PYGB: variants seen among roughly 807,000 people sequenced by gnomAD.
The protein encoded by PYGB is glycogen phosphorylase, brain form.
A neutral mutation model predicts 94.3 loss-of-function variants in PYGB; 82 were observed. The ratio of observed to expected loss-of-function variants is 0.87; its 90% CI spans 0.73 to 1.04. PYGB has a LOEUF of 1.04. Among genes scored for constraint, PYGB ranks in the 50% least tolerant of loss-of-function variants. PYGB has a pLI of 0.00. For missense variants in PYGB, 1,132 were observed against 1,158.2 expected, an observed-to-expected ratio of 0.98 and a Z score of 0.33; for synonymous variants, 488 against 479.1, an observed-to-expected ratio of 1.02 and a Z score of -0.24.
chr20:25,256,306 C>T (rs1480248816), intron 1 of PYGB, among the ~76,000 whole-genome samples: 1 of 151,778 alleles, frequency 6.6e-6, no homozygotes, highest in Non-Finnish European at 1.5e-5. Context: ...TCGTGTTGAT[C>T]ATATTTTCAT....
At chr20:25,290,434 C>T in intron 15 of PYGB, 47 bp from the exon 16 acceptor site, 1 of 1,590,674 alleles carries the variant, frequency 6.3e-7, no homozygotes, top group Non-Finnish European at 8.6e-7. Context: ...CTCCAAGGGC[C>T]TGAACAAGGC....
intron 2 of PYGB, among the ~76,000 whole-genome samples, chr20:25,261,439 C>T (rs2092913291): frequency 6.6e-6 from 1 of 152,222 alleles, no homozygotes; most frequent in Non-Finnish European, 1.5e-5. Context: ...AGAAGGAAAA[C>T]TAACAAACAG....
intron 11 of PYGB, 96 bp downstream of exon 11, chr20:25,281,208 C>T: frequency 6.8e-7 from 1 of 1,474,008 alleles, no homozygotes; most frequent in Non-Finnish European, 9.2e-7. Context: ...AGCTATATAG[C>T]ATACAACCTG....
At chr20:25,278,525 T>C in intron 8 of PYGB, 63 bp downstream of exon 8, 1 of 1,590,932 alleles carries the variant, frequency 6.3e-7, no homozygotes, top group South Asian at 1.1e-5. Context: ...GCTCTTGAGG[T>C]TGCTTTCTCA....
chr20:25,263,458 C>G (rs2092917954), intron 2 of PYGB, among the ~76,000 whole-genome samples: 1 of 151,930 alleles, frequency 6.6e-6, no homozygotes, highest in African/African-American at 2.4e-5. Flanking sequence ...GATAGAGACA[C>G]AAAAAACTCT....
At chr20:25,256,895 A>G (rs79986863) in intron 1 of PYGB, among the ~76,000 whole-genome samples, 9,889 of 152,248 alleles carry the variant, frequency 0.065, 991 homozygotes, top group African/African-American at 0.22. Context: ...CCACTTGGCA[A>G]CTTTCTAGGC....
At position 25,269,209 on chromosome 20, in the gene PYGB, T is replaced by C. The variant is rs112079423; in HGVS notation, c.424+2T>C. On this transcript the variant is annotated splice_donor_variant, in intron 3 of 19. Coordinates refer to ENST00000216962, the MANE Select transcript of PYGB (RefSeq NM_002862.4). LOFTEE classifies it high-confidence loss of function. ...ATGGAGGCCTGGGGAGGCTGGCAGG[T>C]AAGTTGCCCCATCCAGGAGGAGCTC... 1 of 1,572,812 alleles carries C rather than the reference T, an allele frequency of 6.4e-7. No homozygotes were observed. The highest frequency in any genetic ancestry group is 1.1e-5 in the South Asian group (1 of 89,950).
intron 14 of PYGB, among the ~76,000 whole-genome samples, chr20:25,287,450 G>A (rs1270280009): frequency 6.6e-6 from 1 of 152,122 alleles, no homozygotes; most frequent in East Asian, 1.9e-4. Context: ...TTTGAGACTG[G>A]TCTGGGCAAA....
Position 25,294,213 on chromosome 20 carries a change from C to G in PYGB, c.2233C>G (p.Gln745Glu). The stretch of plus-strand genomic sequence containing the variant: ...GCCCGAGCTGAAGCAGGCCGTGGAC[C>G]AGATCAGCAGTGGCTTTTTTTCTCC... ...HLPELKQAVD[Q>E]ISSGFFSPKE... Residue 745 changes from glutamine to glutamate, a missense_variant, in exon 18 of 20, where the codon CAG becomes GAG. Physicochemically the swap from Gln to Glu is conservative, Grantham distance 29 (BLOSUM62 2). Transcript: ENST00000216962. 6.2e-7 allele frequency: 1 copy of G among 1,613,832 alleles called. No homozygotes were observed. Among genetic ancestry groups the G allele is most frequent in the East Asian group, 2.2e-5 (1 of 44,860 alleles).
intron 4 of PYGB, 32 bp downstream of exon 4, chr20:25,271,518 C>T (rs201141431): frequency 8.2e-6 from 13 of 1,585,618 alleles, no homozygotes; most frequent in Non-Finnish European, 1.1e-5. Flanking sequence ...CACTGGTTTC[C>T]AGCTCTCGTT....
intron 13 of PYGB, 121 bp from the exon 14 acceptor site, chr20:25,283,983 C>A: frequency 8.2e-7 from 1 of 1,216,690 alleles, no homozygotes; most frequent in South Asian, 1.4e-5. Context: ...CAGCTCCAGC[C>A]TGTATACCCC....
intron 2 of PYGB, among the ~76,000 whole-genome samples, chr20:25,267,519 G>C (rs1240568172): frequency 7.2e-6 from 1 of 138,330 alleles, no homozygotes; most frequent in East Asian, 3.1e-4. Flanking sequence ...GACTTTGTCA[G>C]CTACTTTTTG....
rs1457748742 is a variant in PYGB at position 25,277,172 on chromosome 20, T to G, written c.773-72T>G. The G allele has an allele frequency of 4.9e-6, 6 of 1,230,798 alleles. No individual in the cohort carries two copies. In the Admixed American group the frequency reaches 6.9e-5, roughly 14 times the overall value. 76.2% of individuals were successfully genotyped at this position (1,230,798 alleles called of 1,614,324 possible). A position where few individuals can be genotyped will look rare whatever the true frequency, so the allele number is the denominator to read the frequency against. ...AGCGAGTTTCCTTGGCCTTTGCAAG[T>G]AGGCCCCTGAGCGGTTGCAGTGCTG... On this transcript the variant is annotated intron_variant, in intron 6 of 19. Transcript: ENST00000216962.
chr20:25,284,751 ATTATC>A (rs1316522505), intron 14 of PYGB, among the ~76,000 whole-genome samples: 1 of 152,172 alleles, frequency 6.6e-6, no homozygotes, highest in Non-Finnish European at 1.5e-5. Context: ...AAATTTAGTT[ATTATC>A]TTTGTGAGAC....
intron 2 of PYGB, among the ~76,000 whole-genome samples, chr20:25,262,878 C>T (rs1365067351): frequency 6.6e-6 from 1 of 152,156 alleles, no homozygotes; most frequent in East Asian, 1.9e-4. Context: ...AAGGCCATTA[C>T]TTAATGGTAA....
chr20:25,278,874 T>A (rs1328165018), intron 8 of PYGB, among the ~76,000 whole-genome samples, 183 bp from the exon 9 acceptor site: 3 of 148,090 alleles, frequency 2.0e-5, no homozygotes, highest in Non-Finnish European at 3.0e-5. Context: ...AGCGCACACC[T>A]GCCACAGTGC....
intron 2 of PYGB, among the ~76,000 whole-genome samples, chr20:25,263,031 C>A (rs2092917144): frequency 6.6e-6 from 1 of 152,040 alleles, no homozygotes; most frequent in South Asian, 2.1e-4. Context: ...ACTTTAACAC[C>A]CCACTGTCAA....
intron 14 of PYGB, 101 bp downstream of exon 14, chr20:25,284,352 T>G: frequency 6.9e-7 from 1 of 1,458,750 alleles, no homozygotes; most frequent in Admixed American, 2.0e-5. Context: ...TGGTGGGGGC[T>G]GTGTGTGTAT....
At chr20:25,255,064 C>T (rs2092899375) in intron 1 of PYGB, among the ~76,000 whole-genome samples, 1 of 152,182 alleles carries the variant, frequency 6.6e-6, no homozygotes, top group South Asian at 2.1e-4. Flanking sequence ...GCCAAGTTTC[C>T]CTGGCAGTTA....
Sources: allele counts gnomAD v4.1 joint callset (sites outside exome capture counted in the v4.1 genomes callset), GRCh38; gene constraint gnomAD v4.1.1; transcripts MANE v1.5; gene names NCBI Gene and HGNC (gene_info 2026-07-23, HGNC 2026-07-21).